Variants in ENTREP2 observed in about 807,000 individuals in gnomAD.
ENTREP2 encodes the protein protein ENTREP2.
chr15:29,471,973 C>T, the ENTREP2 span, among the ~76,000 whole-genome samples: 1 of 152,108 alleles, frequency 6.6e-6, no homozygotes, highest in Admixed American at 6.5e-5. Context: ...GGAGGAGTGG[C>T]CCTGAGGGCT....
At chr15:29,519,905 G>C in the ENTREP2 span, among the ~76,000 whole-genome samples, 1 of 151,994 alleles carries the variant, frequency 6.6e-6, no homozygotes, top group Non-Finnish European at 1.5e-5. Flanking sequence ...CTAATCAATC[G>C]ACCTAGTGAC....
chr15:29,489,928 A>C, the ENTREP2 span, among the ~76,000 whole-genome samples: 25 of 152,360 alleles, frequency 1.6e-4, no homozygotes, highest in African/African-American at 5.5e-4. Context: ...TCACCACAAA[A>C]ATGTTCAAGC....
the ENTREP2 span, among the ~76,000 whole-genome samples, chr15:29,476,798 A>C: frequency 6.6e-6 from 1 of 152,086 alleles, no homozygotes; most frequent in African/African-American, 2.4e-5. Flanking sequence ...GAGCGGCCAA[A>C]CCTCTCACAT....
At chr15:29,295,130 G>A in the ENTREP2 span, among the ~76,000 whole-genome samples, 1 of 152,224 alleles carries the variant, frequency 6.6e-6, no homozygotes, top group Non-Finnish European at 1.5e-5. Flanking sequence ...ATGTAAATCA[G>A]GACTTCGTGA....
At chr15:29,140,099 C>G in the ENTREP2 span, among the ~76,000 whole-genome samples, 1 of 152,172 alleles carries the variant, frequency 6.6e-6, no homozygotes, top group South Asian at 2.1e-4. Flanking sequence ...TGAGAGCTGC[C>G]CTCCGCACTT....
chr15:29,392,970 A>G, the ENTREP2 span, among the ~76,000 whole-genome samples: 3 of 152,232 alleles, frequency 2.0e-5, no homozygotes, highest in African/African-American at 4.8e-5. Context: ...TGTTTAGAAA[A>G]GTTCAGTGAT....
chr15:29,657,513 CTTA>C, the ENTREP2 span, among the ~76,000 whole-genome samples: 1 of 134,938 alleles, frequency 7.4e-6, no homozygotes, highest in Non-Finnish European at 1.6e-5. Flanking sequence ...CTTTTATTCC[CTTA>C]TTGTCCCCAC....
At chr15:29,149,697 T>C in the ENTREP2 span, among the ~76,000 whole-genome samples, 2 of 152,174 alleles carry the variant, frequency 1.3e-5, no homozygotes, top group South Asian at 4.1e-4. Context: ...GCCAGTCCCA[T>C]AGGGCGCCAT....
chr15:29,138,563 A>G, the ENTREP2 span, among the ~76,000 whole-genome samples: 4 of 126,782 alleles, frequency 3.2e-5, no homozygotes, highest in Admixed American at 3.0e-4. Flanking sequence ...GTGCATGTGC[A>G]TGTGTATGTG....
chr15:29,538,343 G>A, the ENTREP2 span, among the ~76,000 whole-genome samples: 2 of 152,140 alleles, frequency 1.3e-5, no homozygotes, highest in Admixed American at 1.3e-4. Flanking sequence ...CAGAGTATAA[G>A]GAAGGAGAGA....
chr15:29,525,727 G>A, the ENTREP2 span, among the ~76,000 whole-genome samples: 26 of 152,180 alleles, frequency 1.7e-4, no homozygotes, highest in Non-Finnish European at 2.9e-5. Context: ...TTGGTGGCTG[G>A]CATGGGTTTG....
the ENTREP2 span, among the ~76,000 whole-genome samples, chr15:29,460,999 G>A: frequency 6.6e-6 from 1 of 152,132 alleles, no homozygotes; most frequent in East Asian, 1.9e-4. Context: ...TTTTCTTATA[G>A]TGCCTCACTA....
At chr15:29,401,532 A>T in the ENTREP2 span, among the ~76,000 whole-genome samples, 1 of 152,230 alleles carries the variant, frequency 6.6e-6, no homozygotes, top group South Asian at 2.1e-4. Context: ...GAGGGGAAAG[A>T]AAGTTCCTCT....
At chr15:29,561,354 T>C in the ENTREP2 span, among the ~76,000 whole-genome samples, 1 of 152,018 alleles carries the variant, frequency 6.6e-6, no homozygotes, top group South Asian at 2.1e-4. Flanking sequence ...TAGGAGAGAA[T>C]GGAAAAGCTC....
At chr15:29,380,826 A>G in the ENTREP2 span, among the ~76,000 whole-genome samples, 1 of 151,252 alleles carries the variant, frequency 6.6e-6, no homozygotes, top group Non-Finnish European at 1.5e-5. Context: ...TTTAATGTCT[A>G]GATGAAATGC....
the ENTREP2 span, among the ~76,000 whole-genome samples, chr15:29,454,596 T>C: frequency 6.6e-6 from 1 of 152,216 alleles, no homozygotes; most frequent in East Asian, 1.9e-4. Context: ...ATAGTTAGTA[T>C]GTGGCACACA....
chr15:29,613,270 T>A, the ENTREP2 span: 1 of 176,084 alleles, frequency 5.7e-6, no homozygotes. Flanking sequence ...GCGCATCGGG[T>A]AGTGAGCACT....
At chr15:29,408,705 T>G in the ENTREP2 span, among the ~76,000 whole-genome samples, 1 of 152,244 alleles carries the variant, frequency 6.6e-6, no homozygotes, top group African/African-American at 2.4e-5. Context: ...TTCAGTTTTC[T>G]GAGAGATTTC....
the ENTREP2 span, chr15:29,269,683 C>G: frequency 2.6e-6 from 4 of 1,551,570 alleles, no homozygotes; most frequent in East Asian, 2.6e-5. Flanking sequence ...AGAGCGGCCC[C>G]GGTTCCTCGG....
Sources: gnomAD v4.1 joint callset for allele counts (sites outside exome capture counted in the v4.1 genomes callset) on GRCh38, gnomAD v4.1.1 for gene constraint, MANE v1.5 for transcripts, NCBI Gene and HGNC (gene_info 2026-07-23, HGNC 2026-07-21) for gene names.